The following MAPT variants were observed in gnomAD, a reference collection of about 807,000 sequenced individuals.
MAPT encodes microtubule associated protein tau, also known as microtubule-associated protein tau.
MAPT carries 34 observed loss-of-function variants against 67.9 expected under a neutral mutation model. The observed-to-expected ratio is 0.50, with a 90% CI of 0.38 to 0.67. The LOEUF (loss-of-function observed/expected upper bound fraction) is 0.67, where lower values mean the gene tolerates loss of function less well. Ranked by LOEUF, MAPT falls within the 30% of genes least tolerant of loss-of-function variation. The pLI, the probability that MAPT is intolerant of heterozygous loss-of-function variation, is 0.00. For missense variants in MAPT, 881 were observed against 1,115.2 expected (o/e 0.79, Z 2.99); for synonymous variants, 456 against 464.5 (o/e 0.98, Z 0.23).
In MAPT at chr17:45,983,278, C is replaced by T. The variant is rs758431307; in HGVS notation, c.699C>T (p.Leu233=). The T allele has an allele frequency of 8.1e-6, 13 of 1,599,186 alleles. No homozygotes were observed. The African/African-American group carries it at 9.4e-5, about 12-fold the overall frequency. The change falls in exon 5 of 13, where the codon CTC becomes CTT. Residue 233 remains leucine, a synonymous_variant. Transcript: ENST00000262410. ...TGTCCGGCATGCCTGGGGCTCCCCT[C>T]CTGCCTGAGGGCCCCAGAGAGGCCA... ...QLMSGMPGAP[L]LPEGPREATR...
At chr17:46,002,353 G>C in intron 9 of MAPT, among the ~76,000 whole-genome samples, 1 of 152,136 alleles carries the variant, frequency 6.6e-6, no homozygotes, top group Non-Finnish European at 1.5e-5. Flanking sequence ...ACATAGAGGA[G>C]AACTGAAGAA....
At chr17:45,947,780 T>C (rs2068653868) in intron 1 of MAPT, among the ~76,000 whole-genome samples, 1 of 152,104 alleles carries the variant, frequency 6.6e-6, no homozygotes, top group Non-Finnish European at 1.5e-5. Flanking sequence ...TCCATTTCCT[T>C]TGTCCTCGTC....
chr17:45,964,773 A>C (rs2070862367), intron 2 of MAPT, among the ~76,000 whole-genome samples: 3 of 145,860 alleles, frequency 2.1e-5, no homozygotes, highest in South Asian at 2.2e-4. Flanking sequence ...CACTTCCCCC[A>C]CTCCCGCTTT....
At chr17:45,904,571 AG>A (rs1370884280) in intron 1 of MAPT, among the ~76,000 whole-genome samples, 1 of 150,106 alleles carries the variant, frequency 6.7e-6, no homozygotes, top group African/African-American at 2.5e-5. Flanking sequence ...ATGTGTCTGT[AG>A]CCCTAGCTAC....
intron 1 of MAPT, among the ~76,000 whole-genome samples, chr17:45,923,979 G>A (rs981263227): frequency 6.6e-6 from 1 of 152,206 alleles, no homozygotes; most frequent in Non-Finnish European, 1.5e-5. Flanking sequence ...GCTTAGAGTG[G>A]AGCTTTGCAA....
chr17:45,941,713 T>TCCTGCCTG (rs1177318711), intron 1 of MAPT, among the ~76,000 whole-genome samples: 13 of 110,996 alleles, frequency 1.2e-4, no homozygotes, highest in African/African-American at 4.0e-4. Context: ...CTGCCTTCCT[T>TCCTGCCTG]CCTTCCTTCC....
At chr17:45,903,171 T>C (rs1483628639) in intron 1 of MAPT, among the ~76,000 whole-genome samples, 1 of 152,164 alleles carries the variant, frequency 6.6e-6, no homozygotes, top group African/African-American at 2.4e-5. Flanking sequence ...GACAAATTCA[T>C]GGAACCGTGG....
chr17:45,959,017 C>T (rs767032828), intron 1 of MAPT, among the ~76,000 whole-genome samples: 3 of 152,100 alleles, frequency 2.0e-5, no homozygotes, highest in Non-Finnish European at 2.9e-5. Flanking sequence ...AAGCTGAGAT[C>T]GTACCATTCC....
In MAPT at chr17:45,964,201, T is replaced by TTTTGTTTTG. The variant is rs1568244045; in HGVS notation, c.133+1734_133+1735insGTTTTGTTT. On this transcript the variant is annotated intron_variant, in intron 2 of 12. Transcript: ENST00000262410. Reference sequence around the variant, plus strand: ...TCTGTTTTCTCCTTTGTTTTGTTTTTTTTTGTTTTGTTTTGTTTTATTATA... The same window carrying TTTTGTTTTG: ...TCTGTTTTCTCCTTTGTTTTGTTTTTTTTGTTTTGTTTTGTTTTGTTTTGTTTTATTATA... 1.6e-3 allele frequency among the ~76,000 whole-genome samples: 243 copies of TTTTGTTTTG among 152,206 alleles called. 2 individuals carry two copies. Among genetic ancestry groups the TTTTGTTTTG allele is most frequent in the African/African-American group, 5.7e-3 (236 of 41,514 alleles).
chr17:46,023,923 C>T, intron 12 of MAPT, 33 bp from the exon 13 acceptor site: 1 of 1,590,004 alleles, frequency 6.3e-7, no homozygotes, highest in African/African-American at 1.3e-5. Flanking sequence ...TCTGGCACTT[C>T]ATCTCACCCT....
At chr17:45,968,664 C>CT (rs1161166286) in intron 2 of MAPT, among the ~76,000 whole-genome samples, 14 of 152,214 alleles carry the variant, frequency 9.2e-5, no homozygotes, top group African/African-American at 3.1e-4. Context: ...CAGCTATCTG[C>CT]TAGGGGCCCT....
chr17:45,927,025 A>G (rs1340805479), intron 1 of MAPT, among the ~76,000 whole-genome samples: 1 of 151,900 alleles, frequency 6.6e-6, no homozygotes, highest in Non-Finnish European at 1.5e-5. Flanking sequence ...ACACATACAT[A>G]CATGTATTTT....
At chr17:45,920,840 A>G (rs892259207) in intron 1 of MAPT, among the ~76,000 whole-genome samples, 1 of 152,150 alleles carries the variant, frequency 6.6e-6, no homozygotes, top group African/African-American at 2.4e-5. Flanking sequence ...GAGGGGTTCC[A>G]TTAGCCACAA....
chr17:45,957,377 T>TC (rs2069856559), intron 1 of MAPT, among the ~76,000 whole-genome samples: 1 of 152,258 alleles, frequency 6.6e-6, no homozygotes, highest in African/African-American at 2.4e-5. Context: ...CACGTGTCTG[T>TC]TGGCGAACTC....
At chr17:46,000,495 C>T (rs1052524494) in intron 9 of MAPT, among the ~76,000 whole-genome samples, 9 of 152,106 alleles carry the variant, frequency 5.9e-5, no homozygotes, top group Middle Eastern at 3.2e-3. Context: ...TAGGCCCCGC[C>T]GATCTTGTGG....
chr17:45,972,295 G>A (rs561181106), intron 3 of MAPT, among the ~76,000 whole-genome samples: 19 of 152,314 alleles, frequency 1.2e-4, no homozygotes, highest in African/African-American at 4.3e-4. Flanking sequence ...CAGCCATTTG[G>A]CTGAGGGAAG....
chr17:45,961,775 GTT>G (rs532052263), intron 1 of MAPT, among the ~76,000 whole-genome samples: 3 of 142,202 alleles, frequency 2.1e-5, no homozygotes. Flanking sequence ...TATTTGTTTT[GTT>G]TTTTTTTTTT....
At chr17:45,898,434 CCTTT>C (rs1339030452) in intron 1 of MAPT, 34 of 152,306 alleles carry the variant, frequency 2.2e-4, no homozygotes, top group African/African-American at 7.9e-4. Flanking sequence ...GAAAAAGTGG[CCTTT>C]CTATTAAACG....
At chr17:45,935,207 C>T (rs2067213046) in intron 1 of MAPT, among the ~76,000 whole-genome samples, 1 of 152,094 alleles carries the variant, frequency 6.6e-6, no homozygotes, top group African/African-American at 2.4e-5. Flanking sequence ...AGAGTCTGGG[C>T]AGCCCCTACT....
Sources: allele counts gnomAD v4.1 joint callset (sites outside exome capture counted in the v4.1 genomes callset), GRCh38; gene constraint gnomAD v4.1.1; transcripts MANE v1.5; gene names NCBI Gene and HGNC (gene_info 2026-07-23, HGNC 2026-07-21).